Variants in GABBR2 observed in about 807,000 individuals in gnomAD.
GABBR2 encodes G-protein coupled receptor 51.
GABBR2 carries 23 observed loss-of-function variants against 105.6 expected under a neutral mutation model. The observed-to-expected ratio is 0.22, with a 90% CI of 0.16 to 0.31. GABBR2 has a LOEUF of 0.31. Among genes scored for constraint, GABBR2 ranks in the 10% least tolerant of loss-of-function variants. The pLI is 1.00. For synonymous variants in GABBR2, 478 were observed against 499.7 expected, an observed-to-expected ratio of 0.96 and a Z score of 0.58; for missense variants, 734 against 1,245.5, an observed-to-expected ratio of 0.59 and a Z score of 6.18.
chr9:98,400,596 G>T (rs990037407), intron 8 of GABBR2, among the ~76,000 whole-genome samples: 2 of 152,220 alleles, frequency 1.3e-5, no homozygotes, highest in East Asian at 3.8e-4. Flanking sequence ...ATTTGTGAGG[G>T]TGGAGAGTTG....
In GABBR2 at chr9:98,708,887, A is replaced by T; in HGVS notation, c.-150T>A. 1 of 295,118 alleles carries T rather than the reference A, an allele frequency of 3.4e-6. No homozygotes were observed. Among genetic ancestry groups the T allele is most frequent in the Non-Finnish European group, 4.6e-6 (1 of 216,328 alleles). The allele number at this position is 295,118 out of a possible 1,614,324, so 18.3% of individuals were successfully genotyped here. A position where few individuals can be genotyped will look rare whatever the true frequency, so the allele number is the denominator to read the frequency against. On this transcript the variant is annotated 5_prime_UTR_variant, in exon 1 of 19. Transcript: ENST00000259455. ...TCGGGCTAGGGTTCCGGCTCGGCTCAGAACGGCCGCGGCGGCGGCGGCGGC... is the reference window on the plus strand; with the variant it reads ...TCGGGCTAGGGTTCCGGCTCGGCTCTGAACGGCCGCGGCGGCGGCGGCGGC...
intron 3 of GABBR2, among the ~76,000 whole-genome samples, chr9:98,519,770 T>C (rs1827830524): frequency 6.6e-6 from 1 of 152,056 alleles, no homozygotes; most frequent in South Asian, 2.1e-4. Context: ...TTGCAGGACT[T>C]ACATGTTTTT....
chr9:98,518,659 G>T (rs1827807449), intron 3 of GABBR2, among the ~76,000 whole-genome samples: 1 of 152,248 alleles, frequency 6.6e-6, no homozygotes, highest in African/African-American at 2.4e-5. Flanking sequence ...ACAGCCCAGA[G>T]AATCCACTAC....
chr9:98,376,326 C>G (rs10435892), intron 11 of GABBR2, among the ~76,000 whole-genome samples: 45,259 of 152,058 alleles, frequency 0.3, 7,308 homozygotes, highest in African/African-American at 0.42. Flanking sequence ...ACAGATGACG[C>G]ATGGGACTGC....
intron 1 of GABBR2, among the ~76,000 whole-genome samples, chr9:98,682,205 C>T (rs1269534440): frequency 7.1e-6 from 1 of 141,212 alleles, no homozygotes; most frequent in Non-Finnish European, 1.5e-5. Context: ...CCAGCCTGGG[C>T]AAGACAGGAT....
intron 6 of GABBR2, among the ~76,000 whole-genome samples, chr9:98,467,353 G>C (rs893417016): frequency 1.3e-5 from 2 of 152,202 alleles, no homozygotes; most frequent in African/African-American, 4.8e-5. Flanking sequence ...CCATGGGCCA[G>C]TCAGCCTTTT....
chr9:98,611,053 A>G (rs919620592), intron 1 of GABBR2, among the ~76,000 whole-genome samples: 3 of 152,066 alleles, frequency 2.0e-5, no homozygotes, highest in African/African-American at 7.2e-5. Context: ...CCCACCTTCC[A>G]CTGCTTTCTC....
In GABBR2 at chr9:98,388,405, G is replaced by C. The variant is rs368666472; in HGVS notation, c.1529+449C>G. Among the ~76,000 whole-genome samples, 2 of 152,136 alleles carry C rather than the reference G, an allele frequency of 1.3e-5. No homozygotes were observed. Among genetic ancestry groups the C allele is most frequent in the East Asian group, 3.8e-4 (2 of 5,196 alleles). On this transcript the variant is annotated intron_variant, in intron 10 of 18. Transcript: ENST00000259455. The surrounding 1 kb of genome is among the most constrained non-coding windows in gnomAD (Gnocchi z 4.4). ...ATGGGAGTCCATTTCACTGGACTTT[G>C]TGACCCCCTTCAGTGGTGATTCCCA...
chr9:98,604,394 C>G (rs1244526612), intron 1 of GABBR2, among the ~76,000 whole-genome samples: 1 of 152,180 alleles, frequency 6.6e-6, no homozygotes, highest in Non-Finnish European at 1.5e-5. Flanking sequence ...GTGTCTTGGT[C>G]TCTGCTCCAA....
intron 3 of GABBR2, among the ~76,000 whole-genome samples, chr9:98,523,419 A>T (rs976076806): frequency 1.3e-5 from 2 of 152,210 alleles, no homozygotes; most frequent in Non-Finnish European, 2.9e-5. Flanking sequence ...AGTAATCTTT[A>T]AAGGAGAAGC....
At chr9:98,590,041 C>A (rs1160637116) in intron 1 of GABBR2, among the ~76,000 whole-genome samples, 1 of 152,202 alleles carries the variant, frequency 6.6e-6, no homozygotes, top group Admixed American at 6.5e-5. Flanking sequence ...ACTAGGTTAT[C>A]TTATTCGCCT....
At chr9:98,552,981 T>C (rs1322286615) in intron 2 of GABBR2, among the ~76,000 whole-genome samples, 1 of 151,966 alleles carries the variant, frequency 6.6e-6, no homozygotes, top group African/African-American at 2.4e-5. Flanking sequence ...GGCTCAAGCA[T>C]CCTCCTGCCT....
chr9:98,651,656 T>C (rs1052673926), intron 1 of GABBR2, among the ~76,000 whole-genome samples: 1 of 151,014 alleles, frequency 6.6e-6, no homozygotes, highest in African/African-American at 2.4e-5. Flanking sequence ...GGTTTCAAAC[T>C]CCTGGCCTCA....
At chr9:98,505,968 A>T (rs1827502904) in intron 3 of GABBR2, among the ~76,000 whole-genome samples, 1 of 152,226 alleles carries the variant, frequency 6.6e-6, no homozygotes, top group Non-Finnish European at 1.5e-5. Context: ...CCCATGGAGA[A>T]GCCTGGGCTT....
chr9:98,318,560 G>A (rs1322078385), intron 13 of GABBR2, among the ~76,000 whole-genome samples: 1 of 152,184 alleles, frequency 6.6e-6, no homozygotes, highest in Non-Finnish European at 1.5e-5. Context: ...AGGATGGGGA[G>A]TCCAGATGGT....
chr9:98,602,629 C>T (rs1415844126), intron 1 of GABBR2, among the ~76,000 whole-genome samples: 1 of 152,106 alleles, frequency 6.6e-6, no homozygotes, highest in Non-Finnish European at 1.5e-5. Context: ...GAAGCACACC[C>T]TGCAATAACG....
At chr9:98,644,639 C>T (rs1461526430) in intron 1 of GABBR2, among the ~76,000 whole-genome samples, 5 of 152,070 alleles carry the variant, frequency 3.3e-5, no homozygotes, top group Admixed American at 6.6e-5. Flanking sequence ...GTTGAGAGTT[C>T]GAGACCAGCT....
At position 98,365,562 on chromosome 9, in the gene GABBR2, G is replaced by A. The variant is rs182766184; in HGVS notation, c.1771-2725C>T. ...GTAGCCACTGTTTGTGACTGAATGGGTTTAGGCTAAGTAGTTATGAATCAC... is the reference window on the plus strand; with the variant it reads ...GTAGCCACTGTTTGTGACTGAATGGATTTAGGCTAAGTAGTTATGAATCAC... On this transcript the variant is annotated intron_variant, in intron 12 of 18. Transcript: ENST00000259455. Among the ~76,000 whole-genome samples, 12 of 152,330 alleles carry A rather than the reference G, an allele frequency of 7.9e-5. No homozygotes were observed. In the East Asian group the frequency reaches 2.3e-3, roughly 29 times the overall value.
intron 7 of GABBR2, among the ~76,000 whole-genome samples, chr9:98,441,135 A>C (rs1826024243): frequency 6.6e-6 from 1 of 152,246 alleles, no homozygotes; most frequent in Non-Finnish European, 1.5e-5. Context: ...ATGTAAAAGC[A>C]ACCAGACTTT....
Sources: gnomAD v4.1 joint callset for allele counts (sites outside exome capture counted in the v4.1 genomes callset) on GRCh38, gnomAD v4.1.1 for gene constraint, Gnocchi (gnomAD v3.1) non-coding constraint, MANE v1.5 for transcripts, NCBI Gene and HGNC (gene_info 2026-07-23, HGNC 2026-07-21) for gene names.